MACROD2: variants seen among roughly 807,000 people sequenced by gnomAD.
MACROD2 encodes mono-ADP ribosylhydrolase 2.
A neutral mutation model predicts 70.4 loss-of-function variants in MACROD2; 36 were observed. That is an observed-to-expected ratio of 0.51 (90% CI 0.39 to 0.68). The LOEUF is 0.68. MACROD2 is among the 30% of genes least tolerant of loss of function. MACROD2 has a pLI of 0.00. For synonymous variants in MACROD2, 172 were observed against 178.8 expected (o/e 0.96, Z 0.30); for missense variants, 496 against 538.4 (o/e 0.92, Z 0.78).
intron 7 of MACROD2, among the ~76,000 whole-genome samples, chr20:15,496,636 A>G (rs1160713139): frequency 6.6e-6 from 1 of 152,216 alleles, no homozygotes; most frequent in African/African-American, 2.4e-5. Flanking sequence ...CTATAATTTT[A>G]TGATGTAAGT....
chr20:15,589,952 AAGAGT>A (rs1727059131), intron 8 of MACROD2, among the ~76,000 whole-genome samples: 1 of 152,226 alleles, frequency 6.6e-6, no homozygotes, highest in Non-Finnish European at 1.5e-5. Flanking sequence ...AAAAATCTAT[AAGAGT>A]AATGAGAAAG....
intron 8 of MACROD2, among the ~76,000 whole-genome samples, chr20:15,761,085 G>C (rs971803739): frequency 3.9e-5 from 6 of 152,184 alleles, no homozygotes; most frequent in African/African-American, 1.4e-4. Context: ...TCACTCTACT[G>C]TCCAGGCTGG....
intron 3 of MACROD2, among the ~76,000 whole-genome samples, chr20:14,257,897 TC>T (rs11339182): frequency 0.36 from 54,647 of 151,924 alleles, 11,328 homozygotes; most frequent in African/African-American, 0.54. Context: ...TTCTTCACTT[TC>T]CCCAGCATCC....
At chr20:15,896,405 TA>T (rs1231844501) in intron 10 of MACROD2, among the ~76,000 whole-genome samples, 1 of 152,176 alleles carries the variant, frequency 6.6e-6, no homozygotes, top group East Asian at 1.9e-4. Flanking sequence ...ATAATAACTG[TA>T]TTTAGATTCA....
At chr20:15,695,392 T>C (rs998985705) in intron 8 of MACROD2, among the ~76,000 whole-genome samples, 6 of 150,470 alleles carry the variant, frequency 4.0e-5, no homozygotes, top group Admixed American at 1.3e-4. Flanking sequence ...TTTGATTTCT[T>C]TCTTTTTTTC....
chr20:14,604,809 T>C (rs1030147852), intron 4 of MACROD2, among the ~76,000 whole-genome samples: 8 of 152,260 alleles, frequency 5.3e-5, no homozygotes, highest in Non-Finnish European at 8.8e-5. Context: ...CCAAATTCTT[T>C]TTCTCGCTTC....
At chr20:15,757,811 C>T (rs1373009994) in intron 8 of MACROD2, among the ~76,000 whole-genome samples, 1 of 152,092 alleles carries the variant, frequency 6.6e-6, no homozygotes, top group Non-Finnish European at 1.5e-5. Context: ...GACACAAATC[C>T]CATCATGGGG....
chr20:14,406,651 A>G (rs2083694158), intron 3 of MACROD2, among the ~76,000 whole-genome samples: 1 of 152,120 alleles, frequency 6.6e-6, no homozygotes, highest in African/African-American at 2.4e-5. Context: ...CAAGGATAGG[A>G]AGACATTGTC....
At chr20:15,846,914 TATA>T (rs2064238398) in intron 8 of MACROD2, among the ~76,000 whole-genome samples, 5 of 6,590 alleles carry the variant, frequency 7.6e-4, no homozygotes, top group African/African-American at 3.4e-3. Context: ...AAAAAAATTA[TATA>T]TATATATATA....
At chr20:14,325,624 C>T (rs2082720411) in intron 3 of MACROD2, 3 of 1,613,504 alleles carry the variant, frequency 1.9e-6, no homozygotes, top group African/African-American at 2.7e-5. Flanking sequence ...ACTGCTTTCA[C>T]TGTGATTGTT....
intron 5 of MACROD2, among the ~76,000 whole-genome samples, chr20:15,212,100 G>T (rs1490623799): frequency 6.6e-6 from 1 of 152,128 alleles, no homozygotes; most frequent in Non-Finnish European, 1.5e-5. Context: ...ATTTCCGGAA[G>T]AACTAAGGAT....
chr20:14,622,946 T>G (rs1449106973), intron 4 of MACROD2: 1 of 152,242 alleles, frequency 6.6e-6, no homozygotes, highest in East Asian at 1.9e-4. Flanking sequence ...AAGTGTTGTC[T>G]GCTGATGACT....
chr20:14,327,570 T>G, intron 3 of MACROD2: 1 of 1,504,142 alleles, frequency 6.6e-7, no homozygotes, highest in East Asian at 2.3e-5. Flanking sequence ...TAAAATGAAG[T>G]GAGTAAAAAA....
intron 5 of MACROD2, among the ~76,000 whole-genome samples, chr20:15,061,840 C>G (rs1210501340): frequency 6.6e-6 from 1 of 152,036 alleles, no homozygotes; most frequent in East Asian, 1.9e-4. Context: ...TTATGAGACC[C>G]GGAGGATGGT....
In MACROD2 at chr20:15,538,454, G is replaced by A. The variant is rs191319981; in HGVS notation, c.645+38607G>A. On this transcript the variant is annotated intron_variant, in intron 8 of 17. Coordinates refer to ENST00000684519, the MANE Select transcript of MACROD2 (RefSeq NM_001351661.2). ...TATTAACCCCTTTTTAGAACTTCAG[G>A]AAGAGTAGCAAGTCAGAACAAAAGG... Among the ~76,000 whole-genome samples the A allele has an allele frequency of 3.7e-3, 560 of 152,288 alleles. 3 individuals are homozygous for A. The highest frequency in any genetic ancestry group is 0.013 in the African/African-American group (532 of 41,556).
intron 4 of MACROD2, among the ~76,000 whole-genome samples, chr20:14,572,015 T>G (rs937123183): frequency 3.3e-5 from 5 of 152,102 alleles, no homozygotes; most frequent in African/African-American, 1.2e-4. Flanking sequence ...TGGAAGTGTT[T>G]GCTCAATATA....
chr20:14,359,033 A>T (rs541985491), intron 3 of MACROD2, among the ~76,000 whole-genome samples: 3 of 152,120 alleles, frequency 2.0e-5, no homozygotes, highest in South Asian at 4.1e-4. Context: ...CAAAAAATTT[A>T]AAAAATTAGC....
At chr20:15,184,194 A>G (rs1357355209) in intron 5 of MACROD2, among the ~76,000 whole-genome samples, 1 of 152,228 alleles carries the variant, frequency 6.6e-6, no homozygotes, top group African/African-American at 2.4e-5. Flanking sequence ...GATTGGGCCC[A>G]TGAGCTTACT....
intron 8 of MACROD2, among the ~76,000 whole-genome samples, chr20:15,655,934 C>T (rs1196300191): frequency 3.3e-5 from 5 of 152,234 alleles, no homozygotes; most frequent in Admixed American, 6.5e-5. Flanking sequence ...CTCTTTGTTA[C>T]GAATTAAGTC....
Sources: gnomAD v4.1 joint callset for allele counts (sites outside exome capture counted in the v4.1 genomes callset) on GRCh38, gnomAD v4.1.1 for gene constraint, MANE v1.5 for transcripts, NCBI Gene and HGNC (gene_info 2026-07-23, HGNC 2026-07-21) for gene names.